The following SPTBN5 variants were observed in gnomAD, a reference collection of about 807,000 sequenced individuals.
The protein encoded by SPTBN5 is spectrin beta, non-erythrocytic 5.
Under a neutral mutation model 477.6 loss-of-function variants are expected in SPTBN5, and 513 were observed. The observed-to-expected ratio is 1.07, with a 90% CI of 1.00 to 1.16. The LOEUF (loss-of-function observed/expected upper bound fraction) is 1.16, where lower values mean the gene tolerates loss of function less well. Ranked by LOEUF, SPTBN5 falls within the 50% of genes most tolerant of loss-of-function variation. SPTBN5 has a pLI of 0.00. For missense variants in SPTBN5, 5,062 were observed against 4,731.8 expected, an observed-to-expected ratio of 1.07 and a Z score of -2.05; for synonymous variants, 2,169 against 2,011.7, an observed-to-expected ratio of 1.08 and a Z score of -2.09.
At chr15:41,875,676 T>A (rs2066700496) in intron 21 of SPTBN5, 54 bp from the exon 22 acceptor site, 1 of 1,515,860 alleles carries the variant, frequency 6.6e-7, no homozygotes, top group Non-Finnish European at 8.9e-7. Flanking sequence ...GTACCACCAG[T>A]GGCCGCAGCA....
In SPTBN5 at chr15:41,868,080, C is replaced by A. The variant is rs772586493; in HGVS notation, c.6196G>T (p.Ala2066Ser). 2.9e-5 allele frequency: 47 copies of A among 1,601,960 alleles called. No individual in the cohort carries two copies. The change falls in exon 34 of 68, where the codon GCG becomes TCG. Residue 2066 changes from alanine (A) to serine (S), a missense_variant. By Grantham distance (99) the Ala-to-Ser change is moderately conservative. Transcript: ENST00000320955. ...GGGAGGGGACCTGCCTCCTGGGCCGCGAGGATCTCCTCCAGGCGGCCGCAC... is the reference window on the plus strand; with the variant it reads ...GGGAGGGGACCTGCCTCCTGGGCCGAGAGGATCTCCTCCAGGCGGCCGCAC... ...RECGRLEEIL[A>S]AQEVSLKTSA...
In SPTBN5 at chr15:41,877,246, T is replaced by A. The variant is rs1299631350; in HGVS notation, c.3581A>T (p.Lys1194Met). ...CTGCTGCCTCTGCTCCCACAAAACC[T>A]TCAGCTCCTGGCCCTGCTGCCCCAG... ...RVLGQQGQEL[K>M]VLWEQRQQWL... Residue 1194 changes from lysine to methionine, a missense_variant, in exon 18 of 68, where the codon AAG (lysine) becomes ATG (methionine). By Grantham distance (95) the Lys-to-Met change is moderately conservative. Coordinates refer to ENST00000320955, the MANE Select transcript of SPTBN5 (RefSeq NM_016642.4). 6.2e-7 allele frequency: 1 copy of A among 1,613,952 alleles called. No individual in the cohort carries two copies. Among genetic ancestry groups the A allele is most frequent in the South Asian group, 1.1e-5 (1 of 91,082 alleles).
rs563801698 is a variant in SPTBN5, at chr15:41,858,835, C to T, written c.8079+55G>A. ...ATACCCCAGAGGAAGGGTGGCCTTT[C>T]CCTGGGTCGACTCCTTCCCCACCAT... On this transcript the variant is annotated intron_variant, in intron 48 of 67. Transcript: ENST00000320955. 1.6e-5 allele frequency: 25 copies of T among 1,546,584 alleles called. No homozygotes were observed. In the African/African-American group the frequency reaches 3.1e-4, roughly 19 times the overall value.
At chr15:41,889,570 A>T (rs2067249820) in intron 4 of SPTBN5, among the ~76,000 whole-genome samples, 1 of 152,002 alleles carries the variant, frequency 6.6e-6, no homozygotes, top group Non-Finnish European at 1.5e-5. Context: ...GGCATGTGCC[A>T]CAAAGAGTTT....
Position 41,861,866 on chromosome 15 carries a change from G to A in SPTBN5, c.7606C>T (p.Leu2536=). 6.2e-7 allele frequency: 1 copy of A among 1,608,664 alleles called. No individual in the cohort carries two copies. The highest frequency in any genetic ancestry group is 8.5e-7 in the Non-Finnish European group (1 of 1,179,562). ...ISLARSTGQQ[L]LTAGHPFSSD... is the part of the protein sequence containing the mutation. Reference sequence around the variant, plus strand: ...CTGAAGGGGTGCCCCGCTGTGAGCAGTTGCTGCCCAGTGCTTCGGGCCAGG... The same window carrying A: ...CTGAAGGGGTGCCCCGCTGTGAGCAATTGCTGCCCAGTGCTTCGGGCCAGG... The change falls in exon 45 of 68, where the codon CTG becomes TTG. Residue 2536 remains leucine, a synonymous_variant. Coordinates refer to ENST00000320955, the MANE Select transcript of SPTBN5 (RefSeq NM_016642.4).
chr15:41,872,704 G>A, intron 26 of SPTBN5, among the ~76,000 whole-genome samples: 1 of 152,220 alleles, frequency 6.6e-6, no homozygotes, highest in East Asian at 1.9e-4. Context: ...TATTTAGCAG[G>A]GAAAGGTGAA....
At chr15:41,858,853 C>G (rs777374713) in intron 48 of SPTBN5, 37 bp downstream of exon 48, 2 of 1,548,292 alleles carry the variant, frequency 1.3e-6, no homozygotes, top group South Asian at 2.4e-5. Context: ...CGACTCCTTC[C>G]CCACCATGAC....
chr15:41,878,314 T>C, intron 17 of SPTBN5, 28 bp downstream of exon 17: 3 of 1,606,390 alleles, frequency 1.9e-6, no homozygotes, highest in Non-Finnish European at 2.6e-6. Flanking sequence ...CAGCCCAAAG[T>C]GCACCCCTTC....
At chr15:41,859,145 G>A (rs2066018894) in intron 47 of SPTBN5, among the ~76,000 whole-genome samples, 165 bp from the exon 48 acceptor site, 2 of 152,092 alleles carry the variant, frequency 1.3e-5, no homozygotes, top group African/African-American at 4.8e-5. Flanking sequence ...TTATGCGCCG[G>A]ATTTTGTACC....
intron 20 of SPTBN5, 113 bp from the exon 21 acceptor site, chr15:41,876,397 A>C (rs980974210): frequency 2.8e-6 from 4 of 1,405,264 alleles, no homozygotes; most frequent in African/African-American, 1.4e-5. Context: ...CTCAGGAAAA[A>C]CCTGAGCTGT....
intron 66 of SPTBN5, chr15:41,850,247 G>C (rs1270451452): frequency 7.1e-6 from 3 of 422,962 alleles, no homozygotes; most frequent in African/African-American, 2.0e-5. Context: ...GATCCCTTTG[G>C]GCTCCTGGGA....
chr15:41,850,831 C>G (rs368975754), intron 66 of SPTBN5, 23 bp downstream of exon 66: 14 of 1,570,632 alleles, frequency 8.9e-6, no homozygotes, highest in African/African-American at 1.4e-5. Flanking sequence ...CCGCCCTCCC[C>G]GCATCCTTCC....
Position 41,849,864 on chromosome 15 carries a change from C to T in SPTBN5, c.11012+5G>A. ...CGCCCTGCTTCCCCCACCCAGGTGT[C>T]CCACCTGAGTAGACATCCAGGCCGG... On this transcript the variant is annotated splice_donor_5th_base_variant and intron_variant, in intron 67 of 67. Transcript: ENST00000320955. 3 of 1,564,110 alleles carry T rather than the reference C, an allele frequency of 1.9e-6. No homozygotes were observed. The highest frequency in any genetic ancestry group is 2.6e-6 in the Non-Finnish European group (3 of 1,153,278).
Position 41,891,327 on chromosome 15 carries a change from A to G in SPTBN5, c.385-1122T>C, listed in dbSNP as rs555518961. ...TACTAGCCCTGTGGGAGGAGCTGCA[A>G]TCCTGGGTGTCCCCCTAGGTAAACT... On this transcript the variant is annotated intron_variant, in intron 3 of 67. Transcript: ENST00000320955. Among the ~76,000 whole-genome samples, 12 of 152,298 alleles carry G rather than the reference A, an allele frequency of 7.9e-5. No individual in the cohort carries two copies. In the South Asian group the frequency reaches 2.5e-3, roughly 32 times the overall value.
Position 41,882,437 on chromosome 15 carries a change from G to T in SPTBN5, c.2079C>A (p.Ala693=). The change falls in exon 11 of 68, where the codon GCC becomes GCA. Residue 693 remains alanine (A), a synonymous_variant. Coordinates refer to ENST00000320955, the MANE Select transcript of SPTBN5 (RefSeq NM_016642.4). The part of the protein sequence containing the change: ...ALEAEVHRHQ[A]VCVDLVRRGR... ...CCCTCCGCACGAGATCTACGCACAC[G>T]GCCTGGTGGCGGTGGACCTCAGCTT... is the stretch of plus-strand genomic sequence containing the variant. 2 of 1,550,204 alleles carry T rather than the reference G, an allele frequency of 1.3e-6. No individual in the cohort carries two copies. Among genetic ancestry groups the T allele is most frequent in the Non-Finnish European group, 1.7e-6 (2 of 1,154,572 alleles).
chr15:41,857,889 G>A (rs901244584), intron 49 of SPTBN5, among the ~76,000 whole-genome samples, 179 bp from the exon 50 acceptor site: 12 of 152,342 alleles, frequency 7.9e-5, no homozygotes, highest in African/African-American at 2.6e-4. Context: ...AGAAAATAAT[G>A]GTTATTTTGT....
chr15:41,848,279 C>T lies in SPTBN5; in HGVS notation c.*337G>A, dbSNP rs1005375459. On this transcript the variant is annotated 3_prime_UTR_variant, in exon 68 of 68. Coordinates refer to ENST00000320955, the MANE Select transcript of SPTBN5 (RefSeq NM_016642.4). The stretch of plus-strand genomic sequence containing the variant: ...CTCCGAAGAGCACATTCTCTGCACA[C>T]GTCTGCGTCTACCTGTGCTCAGAGT... 23 of 510,524 alleles carry T rather than the reference C, an allele frequency of 4.5e-5. No homozygotes were observed. The highest frequency in any genetic ancestry group is 6.4e-5 in the Non-Finnish European group (18 of 281,212). The allele number at this position is 510,524 out of a possible 1,614,324, so 31.6% of individuals were successfully genotyped here.
At chr15:41,891,627 C>T (rs144761813) in intron 3 of SPTBN5, among the ~76,000 whole-genome samples, 6 of 152,318 alleles carry the variant, frequency 3.9e-5, no homozygotes, top group East Asian at 1.9e-4. Flanking sequence ...ATTTGTTAAA[C>T]GTTTACCAGC....
chr15:41,871,540 T>C lies in SPTBN5; in HGVS notation c.5302-20A>G. The C allele has an allele frequency of 1.4e-6, 2 of 1,458,556 alleles. No homozygotes were observed. The highest frequency in any genetic ancestry group is 2.9e-5 in the South Asian group (2 of 69,458). 90.4% of individuals were successfully genotyped at this position (1,458,556 alleles called of 1,614,324 possible). On this transcript the variant is annotated intron_variant, in intron 28 of 67. Transcript: ENST00000320955. ...GAGGTGCTGAGAAGAGGGGAGTGGG[T>C]GACAGGGTAGCCCCCAGCTGGTTAG...
Sources: allele counts gnomAD v4.1 joint callset (sites outside exome capture counted in the v4.1 genomes callset), GRCh38; gene constraint gnomAD v4.1.1; transcripts MANE v1.5; gene names NCBI Gene and HGNC (gene_info 2026-07-23, HGNC 2026-07-21).